Variants in ANO4 observed in about 807,000 individuals in gnomAD.
ANO4 encodes anoctamin-4.
A neutral mutation model predicts 141.9 loss-of-function variants in ANO4; 69 were observed. The ratio of observed to expected loss-of-function variants is 0.49; its 90% CI spans 0.40 to 0.59. ANO4 has a LOEUF of 0.59. Among genes scored for constraint, ANO4 ranks in the 20% least tolerant of loss-of-function variants. ANO4 has a pLI of 0.00. For synonymous variants in ANO4, 350 were observed against 394.3 expected, an observed-to-expected ratio of 0.89 and a Z score of 1.33; for missense variants, 894 against 1,162.2, an observed-to-expected ratio of 0.77 and a Z score of 3.36.
intron 1 of ANO4, among the ~76,000 whole-genome samples, chr12:100,867,319 C>T (rs2038798910): frequency 6.6e-6 from 1 of 152,010 alleles, no homozygotes; most frequent in Admixed American, 6.6e-5. Context: ...AAACTGGAGA[C>T]CCAGGAGAGC....
chr12:100,937,621 T>C (rs2042339949), intron 3 of ANO4, among the ~76,000 whole-genome samples: 1 of 152,180 alleles, frequency 6.6e-6, no homozygotes, highest in South Asian at 2.1e-4. Context: ...CTATAATATA[T>C]TGTTTTAGTT....
chr12:100,773,070 C>CTGTTA (rs2033365034), intron 3 of ANO4, among the ~76,000 whole-genome samples: 1 of 152,196 alleles, frequency 6.6e-6, no homozygotes, highest in Non-Finnish European at 1.5e-5. Context: ...AATTTATTTA[C>CTGTTA]TTCTCACAGT....
Position 101,079,238 on chromosome 12 carries a change from C to A in ANO4, c.1358C>A (p.Ala453Asp), listed in dbSNP as rs768363015. The change falls in exon 15 of 28, where the codon GCT becomes GAT. Residue 453 changes from alanine to aspartate, a missense_variant. Physicochemically the swap from Ala to Asp is moderately radical, Grantham distance 126. This residue lies in a region of ANO4 where 637 missense variants were observed against 909.2 expected (regional missense o/e 0.70). Coordinates refer to ENST00000392977, the MANE Select transcript of ANO4 (RefSeq NM_001286615.2). ...TGGAAAAGACGGCGAGCAGTAATTG[C>A]TTATGACTGGGATTTGATAGACTGG... Reference protein sequence around the residue: ...EFWKRRRAVIAYDWDLIDWEE... With the variant: ...EFWKRRRAVIDYDWDLIDWEE... 1 of 1,613,944 alleles carries A rather than the reference C, an allele frequency of 6.2e-7. No homozygotes were observed. The highest frequency in any genetic ancestry group is 1.7e-5 in the Admixed American group (1 of 59,994).
chr12:101,038,896 G>A (rs1378934841), intron 10 of ANO4: 1 of 151,530 alleles, frequency 6.6e-6, no homozygotes, highest in Non-Finnish European at 1.5e-5. Context: ...GCAACATATT[G>A]AGACATTGTC....
At chr12:100,975,279 A>G (rs1391652386) in intron 7 of ANO4, among the ~76,000 whole-genome samples, 1 of 151,658 alleles carries the variant, frequency 6.6e-6, no homozygotes, top group Admixed American at 6.6e-5. Flanking sequence ...AGCAATGTAT[A>G]CTGTACCCAA....
At chr12:101,027,510 C>G (rs1169228177) in intron 9 of ANO4, among the ~76,000 whole-genome samples, 1 of 152,218 alleles carries the variant, frequency 6.6e-6, no homozygotes, top group Non-Finnish European at 1.5e-5. Context: ...CCAGGCCATG[C>G]TTTTCCCCTG....
chr12:100,775,793 C>T (rs1332708641), intron 3 of ANO4, among the ~76,000 whole-genome samples: 6 of 151,786 alleles, frequency 4.0e-5, no homozygotes, highest in African/African-American at 9.7e-5. Context: ...CTTCCTATTA[C>T]GATTATGAGT....
intron 1 of ANO4, among the ~76,000 whole-genome samples, chr12:100,873,447 G>A (rs1463132591): frequency 1.3e-5 from 2 of 152,184 alleles, no homozygotes; most frequent in Non-Finnish European, 2.9e-5. Context: ...AACTTATTGG[G>A]AACTGGAGCA....
chr12:100,949,547 G>A (rs1208859487), intron 5 of ANO4, among the ~76,000 whole-genome samples: 1 of 152,142 alleles, frequency 6.6e-6, no homozygotes, highest in African/African-American at 2.4e-5. Flanking sequence ...CATCATTACT[G>A]TTATCATAAC....
At chr12:100,991,970 A>G (rs1032084930) in intron 8 of ANO4, among the ~76,000 whole-genome samples, 2 of 152,168 alleles carry the variant, frequency 1.3e-5, no homozygotes, top group African/African-American at 4.8e-5. Context: ...ATATTTGTCC[A>G]GTTGCTGAAA....
At chr12:101,054,937 GCTA>G in intron 14 of ANO4, among the ~76,000 whole-genome samples, 1 of 152,202 alleles carries the variant, frequency 6.6e-6, no homozygotes, top group Non-Finnish European at 1.5e-5. Context: ...TTTGTGTCTG[GCTA>G]CTTTCACTTC....
intron 22 of ANO4, 89 bp from the exon 23 acceptor site, chr12:101,110,315 A>G: frequency 7.4e-7 from 1 of 1,353,258 alleles, no homozygotes; most frequent in Non-Finnish European, 9.7e-7. Flanking sequence ...AATGGGACTT[A>G]AGACAATAAC....
rs7976760 is a variant in ANO4, at chr12:101,016,877, A to G, written c.735-3157A>G. On this transcript the variant is annotated intron_variant, in intron 8 of 27. Transcript: ENST00000392977. ...TTACAGTGTTATCCCCATTTCACAG[A>G]TGAGGAAACCAAGACCCAGAAAAGT... Among the ~76,000 whole-genome samples the G allele has an allele frequency of 9.2e-3, 1,405 of 152,354 alleles. 28 individuals are homozygous for G. Among genetic ancestry groups the G allele is most frequent in the African/African-American group, 0.032 (1,342 of 41,588 alleles).
chr12:101,072,299 T>C (rs2048846169), intron 14 of ANO4, among the ~76,000 whole-genome samples: 1 of 152,154 alleles, frequency 6.6e-6, no homozygotes, highest in Non-Finnish European at 1.5e-5. Flanking sequence ...AAAAATGACA[T>C]ATATCACTTC....
chr12:101,087,385 G>A (rs2049549705), intron 17 of ANO4, among the ~76,000 whole-genome samples: 1 of 151,938 alleles, frequency 6.6e-6, no homozygotes, highest in African/African-American at 2.4e-5. Context: ...AGCTGGTCAT[G>A]GTGGTGTGCC....
intron 8 of ANO4, among the ~76,000 whole-genome samples, chr12:101,016,852 T>C (rs993599810): frequency 1.3e-5 from 2 of 152,138 alleles, no homozygotes; most frequent in African/African-American, 4.8e-5. Context: ...GTGAAGGTGA[T>C]TACAGTGTTA....
At chr12:100,761,616 G>A (rs2032861135) in intron 3 of ANO4, among the ~76,000 whole-genome samples, 1 of 152,152 alleles carries the variant, frequency 6.6e-6, no homozygotes, top group Admixed American at 6.5e-5. Flanking sequence ...CCTCTGCTTA[G>A]CATGTGCAAA....
At chr12:101,002,494 C>T (rs188035812) in intron 8 of ANO4, among the ~76,000 whole-genome samples, 92 of 152,296 alleles carry the variant, frequency 6.0e-4, no homozygotes, top group African/African-American at 2.2e-3. Context: ...CTTCCCTTCT[C>T]CCCCCAGCCT....
chr12:100,964,127 A>T (rs1337689353), intron 5 of ANO4, among the ~76,000 whole-genome samples: 1 of 152,160 alleles, frequency 6.6e-6, no homozygotes. Flanking sequence ...ATATATAATT[A>T]AGCATTCCTT....
Sources: allele counts gnomAD v4.1 joint callset (sites outside exome capture counted in the v4.1 genomes callset), GRCh38; gene constraint gnomAD v4.1.1; regional missense constraint gnomAD v4.1.1; transcripts MANE v1.5; gene names NCBI Gene and HGNC (gene_info 2026-07-23, HGNC 2026-07-21).